FMN1: variants seen among roughly 807,000 people sequenced by gnomAD.
FMN1 encodes the protein formin 1, also known as formin-1.
Under a neutral mutation model 132.4 loss-of-function variants are expected in FMN1, and 110 were observed. The observed-to-expected ratio is 0.83, with a 90% CI of 0.71 to 0.97. The LOEUF (loss-of-function observed/expected upper bound fraction) is 0.97, where lower values mean the gene tolerates loss of function less well. FMN1 is among the 50% of genes least tolerant of loss of function. FMN1 has a pLI of 0.00. For synonymous variants in FMN1, 722 were observed against 651.7 expected, an observed-to-expected ratio of 1.11 and a Z score of -1.64; for missense variants, 1,792 against 1,705.3, an observed-to-expected ratio of 1.05 and a Z score of -0.90.
At chr15:33,062,220 C>T (rs1040206103) in intron 6 of FMN1, among the ~76,000 whole-genome samples, 17 of 152,158 alleles carry the variant, frequency 1.1e-4, no homozygotes, top group African/African-American at 4.1e-4. Context: ...TACCTATAAG[C>T]ATTTATCCTA....
At chr15:33,059,807 CTA>C (rs1285282282) in intron 6 of FMN1, among the ~76,000 whole-genome samples, 1 of 152,180 alleles carries the variant, frequency 6.6e-6, no homozygotes, top group Non-Finnish European at 1.5e-5. Flanking sequence ...AACTGAGACT[CTA>C]TATTTTAATC....
intron 16 of FMN1, among the ~76,000 whole-genome samples, chr15:32,874,096 A>G (rs1038611509): frequency 7.1e-6 from 1 of 141,786 alleles, no homozygotes; most frequent in African/African-American, 2.7e-5. Context: ...ATCTCGGCTC[A>G]CTGTGACCTC....
At chr15:32,993,813 CA>C (rs1158599105) in intron 7 of FMN1, among the ~76,000 whole-genome samples, 1 of 148,518 alleles carries the variant, frequency 6.7e-6, no homozygotes, top group East Asian at 2.0e-4. Flanking sequence ...AGAGCCACTA[CA>C]ATCTCTGACT....
At chr15:32,823,107 C>T (rs554886088) in intron 17 of FMN1, among the ~76,000 whole-genome samples, 2 of 150,784 alleles carry the variant, frequency 1.3e-5, no homozygotes, top group Non-Finnish European at 2.9e-5. Flanking sequence ...CTCCTACCCA[C>T]GAGCCCCCAT....
chr15:33,107,835 C>A (rs2039545392), intron 4 of FMN1, among the ~76,000 whole-genome samples: 1 of 152,016 alleles, frequency 6.6e-6, no homozygotes, highest in Non-Finnish European at 1.5e-5. Context: ...ATAGGTGGTA[C>A]TATGATGATC....
intron 9 of FMN1, among the ~76,000 whole-genome samples, chr15:32,958,202 A>C (rs944981801): frequency 6.6e-6 from 1 of 152,212 alleles, no homozygotes; most frequent in African/African-American, 2.4e-5. Flanking sequence ...TGTAGGAAAT[A>C]CTTTGGATAT....
intron 9 of FMN1, among the ~76,000 whole-genome samples, chr15:32,936,051 G>A (rs898178384): frequency 4.0e-5 from 6 of 151,886 alleles, no homozygotes; most frequent in Non-Finnish European, 8.8e-5. Context: ...TTTAAATTTG[G>A]TTATTGTATT....
chr15:32,837,174 G>C (rs377542074), intron 17 of FMN1: 1 of 230,698 alleles, frequency 4.3e-6, no homozygotes, highest in African/African-American at 2.3e-5. Context: ...CCAGTACAAG[G>C]AACATTGCTT....
chr15:32,923,866 G>A (rs2060891765), intron 10 of FMN1, among the ~76,000 whole-genome samples: 2 of 152,238 alleles, frequency 1.3e-5, no homozygotes, highest in South Asian at 2.1e-4. Context: ...AAGGTTATAT[G>A]GACATTGTGA....
intron 19 of FMN1, among the ~76,000 whole-genome samples, chr15:32,794,440 A>C (rs2057207223): frequency 6.6e-6 from 1 of 152,140 alleles, no homozygotes; most frequent in Admixed American, 6.5e-5. Context: ...TTGCAAATTC[A>C]AAGCTCATTT....
Position 33,077,823 on chromosome 15 carries a change from C to T in FMN1, c.2043+10976G>A, listed in dbSNP as rs1239145424. ...AAAAAAAAAAACATCAAAAAGTGGG[C>T]AAAGGATATGAACAGACACTTCTCA... On this transcript the variant is annotated intron_variant, in intron 5 of 20. Coordinates refer to ENST00000616417, the MANE Select transcript of FMN1 (RefSeq NM_001277313.2). Among the ~76,000 whole-genome samples, 3 of 148,736 alleles carry T rather than the reference C, an allele frequency of 2.0e-5. No homozygotes were observed. The East Asian group carries it at 5.9e-4, about 29-fold the overall frequency.
chr15:32,819,102 C>T (rs573746157), intron 17 of FMN1, among the ~76,000 whole-genome samples: 5 of 152,120 alleles, frequency 3.3e-5, no homozygotes, highest in Admixed American at 2.6e-4. Flanking sequence ...GCAGGCAAGG[C>T]GAGCTGAAGA....
chr15:32,785,272 G>C (rs1023675354), intron 19 of FMN1, among the ~76,000 whole-genome samples: 4 of 133,242 alleles, frequency 3.0e-5, no homozygotes, highest in Non-Finnish European at 6.2e-5. Flanking sequence ...GCCCAGGCTG[G>C]TCTCAAACTC....
intron 4 of FMN1, among the ~76,000 whole-genome samples, chr15:33,091,966 T>C (rs2038919783): frequency 6.6e-6 from 1 of 152,234 alleles, no homozygotes; most frequent in Admixed American, 6.5e-5. Context: ...GTCTTTCCTT[T>C]TCATGTGCAT....
chr15:32,885,420 A>G (rs1355284199), intron 16 of FMN1, among the ~76,000 whole-genome samples: 2 of 152,204 alleles, frequency 1.3e-5, no homozygotes, highest in African/African-American at 4.8e-5. Context: ...CACAGGCGTG[A>G]TATGTATTGA....
At chr15:33,038,636 A>C (rs1287938896) in intron 6 of FMN1, among the ~76,000 whole-genome samples, 1 of 152,254 alleles carries the variant, frequency 6.6e-6, no homozygotes, top group Non-Finnish European at 1.5e-5. Context: ...TAATTAGTCA[A>C]CATAAAACAG....
chr15:33,104,057 T>C (rs1168095194), intron 4 of FMN1, among the ~76,000 whole-genome samples: 3 of 152,104 alleles, frequency 2.0e-5, no homozygotes, highest in African/African-American at 7.2e-5. Flanking sequence ...ACAAAATCTG[T>C]ACTAAGAATA....
intron 5 of FMN1, among the ~76,000 whole-genome samples, chr15:33,079,470 A>G (rs960135999): frequency 3.3e-5 from 5 of 152,226 alleles, no homozygotes; most frequent in African/African-American, 1.2e-4. Flanking sequence ...TGAAAATACA[A>G]AAACCAGCTG....
At chr15:33,152,229 T>C (rs1043567718) in intron 4 of FMN1, among the ~76,000 whole-genome samples, 5 of 152,240 alleles carry the variant, frequency 3.3e-5, no homozygotes, top group Non-Finnish European at 7.3e-5. Context: ...GTGCTTCTTT[T>C]ACACAGTCTT....
Sources: allele counts gnomAD v4.1 joint callset (sites outside exome capture counted in the v4.1 genomes callset), GRCh38; gene constraint gnomAD v4.1.1; transcripts MANE v1.5; gene names NCBI Gene and HGNC (gene_info 2026-07-23, HGNC 2026-07-21).